The following CCSER1 variants were observed in gnomAD, a reference collection of about 807,000 sequenced individuals.
CCSER1 encodes the protein coiled-coil serine rich protein 1.
In CCSER1, 41 loss-of-function variants were observed where a neutral mutation model predicts 82.0. That is an observed-to-expected ratio of 0.50 (90% CI 0.39 to 0.65). The LOEUF (loss-of-function observed/expected upper bound fraction) is 0.65. CCSER1 is among the 30% of genes least tolerant of loss of function. The pLI is 0.00. For synonymous variants in CCSER1, 414 were observed against 383.9 expected (o/e 1.08, Z -0.92); for missense variants, 1,119 against 1,064.2 (o/e 1.05, Z -0.72).
chr4:90,933,613 TAAA>T (rs1258516525), intron 9 of CCSER1, among the ~76,000 whole-genome samples: 2 of 152,038 alleles, frequency 1.3e-5, no homozygotes, highest in East Asian at 3.9e-4. Context: ...AGTACAAAAC[TAAA>T]AAGAATTTAT....
chr4:90,603,883 C>T (rs1784316228), intron 5 of CCSER1, among the ~76,000 whole-genome samples: 2 of 151,992 alleles, frequency 1.3e-5, no homozygotes, highest in Non-Finnish European at 2.9e-5. Flanking sequence ...TGACTCAGTG[C>T]CTTTGGGTGG....
At chr4:90,446,185 T>G (rs1760617537) in intron 4 of CCSER1, among the ~76,000 whole-genome samples, 1 of 152,214 alleles carries the variant, frequency 6.6e-6, no homozygotes, top group Non-Finnish European at 1.5e-5. Context: ...TTTGAGTTCT[T>G]TGTGTTATTT....
rs189131354 is a variant in CCSER1 at position 90,505,567 on chromosome 4, A to G, written c.1724+37213A>G. 1.7e-3 allele frequency among the ~76,000 whole-genome samples: 261 copies of G among 152,290 alleles called. 1 individual carries two copies. The highest frequency in any genetic ancestry group is 6.1e-3 in the African/African-American group (253 of 41,568). On this transcript the variant is annotated intron_variant, in intron 5 of 10. Coordinates refer to ENST00000509176, the MANE Select transcript of CCSER1 (RefSeq NM_001145065.2). The stretch of plus-strand genomic sequence containing the variant: ...GGGCTGCTGCTGATTGGCTACTTTT[A>G]TGGTTTTTTTGATCATGTGCTAAAC...
intron 10 of CCSER1, among the ~76,000 whole-genome samples, chr4:91,127,110 A>G (rs1249541081): frequency 6.6e-6 from 1 of 152,072 alleles, no homozygotes; most frequent in African/African-American, 2.4e-5. Context: ...ATCATCGCAT[A>G]CAAAGTACAA....
chr4:91,331,873 T>G lies in CCSER1; in HGVS notation c.2217+245879T>G, dbSNP rs1016347589. Among the ~76,000 whole-genome samples the G allele has an allele frequency of 2.6e-5, 4 of 152,146 alleles. No individual in the cohort carries two copies. The South Asian group carries it at 8.3e-4, about 32-fold the overall frequency. On this transcript the variant is annotated intron_variant, in intron 10 of 10. Transcript: ENST00000509176. ...TACACTTGAAACTAAGTAGGCCAAC[T>G]ACAAGACCTGTATCTCTCAATAGAG... is the stretch of plus-strand genomic sequence containing the variant.
At chr4:90,144,149 T>C (rs2153341975) in intron 1 of CCSER1, among the ~76,000 whole-genome samples, 1 of 152,314 alleles carries the variant, frequency 6.6e-6, no homozygotes, top group South Asian at 2.1e-4. Context: ...CTCTCAAAAT[T>C]TGGATTTGTT....
At chr4:91,330,546 G>T (rs961776652) in intron 10 of CCSER1, among the ~76,000 whole-genome samples, 1 of 152,092 alleles carries the variant, frequency 6.6e-6, no homozygotes, top group Non-Finnish European at 1.5e-5. Flanking sequence ...CTAAGTGAGG[G>T]CTTGTCTTCC....
At chr4:90,591,485 A>G (rs1782687340) in intron 5 of CCSER1, among the ~76,000 whole-genome samples, 1 of 152,210 alleles carries the variant, frequency 6.6e-6, no homozygotes, top group South Asian at 2.1e-4. Context: ...CAACAATGAG[A>G]TACCATCTCA....
intron 8 of CCSER1, among the ~76,000 whole-genome samples, chr4:90,883,448 G>A (rs1251807126): frequency 6.6e-6 from 1 of 151,940 alleles, no homozygotes; most frequent in African/African-American, 2.4e-5. Flanking sequence ...GACACATAAA[G>A]AATGACAATA....
Position 90,773,925 on chromosome 4 carries a change from A to G in CCSER1, c.2011-41837A>G, listed in dbSNP as rs143632444. On this transcript the variant is annotated intron_variant, in intron 7 of 10. Transcript: ENST00000509176. ...AAACTTCAGCATGCTGTCAATAGATATAAAAATGCAATGACATTCATTTTT... is the reference window on the plus strand; with the variant it reads ...AAACTTCAGCATGCTGTCAATAGATGTAAAAATGCAATGACATTCATTTTT... 4.5e-3 allele frequency among the ~76,000 whole-genome samples: 691 copies of G among 152,298 alleles called. 5 individuals carry two copies. The highest frequency in any genetic ancestry group is 0.016 in the African/African-American group (666 of 41,576).
intron 6 of CCSER1, among the ~76,000 whole-genome samples, chr4:90,646,143 G>T (rs1243907891): frequency 6.6e-6 from 1 of 152,116 alleles, no homozygotes; most frequent in Admixed American, 6.5e-5. Flanking sequence ...CCAAAAAACT[G>T]CTGGCGTTGA....
Position 91,002,833 on chromosome 4 carries a change from A to C in CCSER1, c.2172+79386A>C, listed in dbSNP as rs148668459. On this transcript the variant is annotated intron_variant, in intron 9 of 10. Transcript: ENST00000509176. ...GGATGTTAAAGAACCATGTTTTGTC[A>C]TAGTACCAGAATTGTTTTTTCTGGT... 5.4e-3 allele frequency among the ~76,000 whole-genome samples: 823 copies of C among 152,274 alleles called. 1 individual carries two copies. The highest frequency in any genetic ancestry group is 0.019 in the African/African-American group (781 of 41,546).
chr4:90,796,432 A>C (rs1300402124), intron 7 of CCSER1, among the ~76,000 whole-genome samples: 1 of 151,208 alleles, frequency 6.6e-6, no homozygotes, highest in African/African-American at 2.4e-5. Context: ...AAAAAAAAAA[A>C]AAACAGCTCT....
At chr4:91,108,923 C>A (rs143205529) in intron 10 of CCSER1, among the ~76,000 whole-genome samples, 5 of 152,112 alleles carry the variant, frequency 3.3e-5, no homozygotes, top group African/African-American at 7.2e-5. Context: ...AAGATCTGCC[C>A]TCACCCAGTG....
At chr4:90,502,719 A>C (rs1464471672) in intron 5 of CCSER1, among the ~76,000 whole-genome samples, 3 of 152,222 alleles carry the variant, frequency 2.0e-5, no homozygotes, top group Non-Finnish European at 4.4e-5. Flanking sequence ...ATTTGAGAAA[A>C]AATATACATA....
At chr4:91,304,043 C>A (rs1296562490) in intron 10 of CCSER1, among the ~76,000 whole-genome samples, 1 of 151,916 alleles carries the variant, frequency 6.6e-6, no homozygotes, top group African/African-American at 2.4e-5. Flanking sequence ...ATTGTGGTAG[C>A]ACCCTTCCTG....
At chr4:91,091,867 A>G (rs1723993413) in intron 10 of CCSER1, among the ~76,000 whole-genome samples, 1 of 152,196 alleles carries the variant, frequency 6.6e-6, no homozygotes, top group African/African-American at 2.4e-5. Flanking sequence ...ACTGGGGAGA[A>G]TAAGCTGACT....
chr4:90,515,452 G>T (rs1257388406), intron 5 of CCSER1, among the ~76,000 whole-genome samples: 1 of 152,114 alleles, frequency 6.6e-6, no homozygotes, highest in Non-Finnish European at 1.5e-5. Context: ...TGTATTATCA[G>T]AAAGAGCAGG....
At chr4:90,882,480 T>C (rs1372376104) in intron 8 of CCSER1, among the ~76,000 whole-genome samples, 1 of 152,106 alleles carries the variant, frequency 6.6e-6, no homozygotes. Context: ...TTCATTTATA[T>C]GCTGTGAATA....
Sources: allele counts gnomAD v4.1 joint callset (sites outside exome capture counted in the v4.1 genomes callset), GRCh38; gene constraint gnomAD v4.1.1; transcripts MANE v1.5; gene names NCBI Gene and HGNC (gene_info 2026-07-23, HGNC 2026-07-21).